Variants in MPP2 observed in about 807,000 individuals in gnomAD.
MPP2 encodes MAGUK p55 scaffold protein 2, also known as MAGUK p55 subfamily member 2.
MPP2 carries 42 observed loss-of-function variants against 58.5 expected under a neutral mutation model. That is an observed-to-expected ratio of 0.72 (90% confidence interval 0.56 to 0.93). MPP2 has a LOEUF of 0.93. Ranked by LOEUF, MPP2 falls within the 40% of genes least tolerant of loss-of-function variation. The pLI, the probability that MPP2 is intolerant of heterozygous loss-of-function variation, is 0.00. For missense variants in MPP2, 632 were observed against 760.4 expected, an observed-to-expected ratio of 0.83 and a Z score of 1.99; for synonymous variants, 300 against 307.8, an observed-to-expected ratio of 0.97 and a Z score of 0.26.
At chr17:43,900,773 G>T in intron 2 of MPP2, 1 of 348,474 alleles carries the variant, frequency 2.9e-6, no homozygotes, top group Non-Finnish European at 4.0e-6. Context: ...GGTGGGAGAA[G>T]AGTGGTGGGA....
chr17:43,907,395 G>A, intron 1 of MPP2, 79 bp downstream of exon 1: 2 of 985,562 alleles, frequency 2.0e-6, no homozygotes, highest in Non-Finnish European at 2.4e-6. Flanking sequence ...AGTGAATAGG[G>A]TCCTAAGTGC....
intron 3 of MPP2, 153 bp from the exon 4 acceptor site, chr17:43,883,508 G>A (rs571024897): frequency 3.8e-5 from 28 of 731,524 alleles, no homozygotes; most frequent in Middle Eastern, 4.0e-4. Flanking sequence ...ATACCCACAC[G>A]TGCACATGCA....
chr17:43,897,644 C>T (rs896045057), intron 3 of MPP2, among the ~76,000 whole-genome samples: 4 of 152,114 alleles, frequency 2.6e-5, no homozygotes, highest in Non-Finnish European at 4.4e-5. Flanking sequence ...CCTTCCAATC[C>T]CCTGCACACT....
upstream of MPP2, chr17:43,907,671 G>A: frequency 3.0e-6 from 3 of 985,688 alleles, no homozygotes; most frequent in Non-Finnish European, 2.4e-6. Flanking sequence ...CCAGCAGCTG[G>A]TACGGGGGCA....
chr17:43,889,360 CTTT>C (rs397748293), intron 3 of MPP2, among the ~76,000 whole-genome samples: 9 of 135,146 alleles, frequency 6.7e-5, no homozygotes, highest in Admixed American at 7.5e-5. Flanking sequence ...AAATCACCAT[CTTT>C]TTTTTTTTTT....
chr17:43,899,152 C>G (rs148604884), intron 2 of MPP2, among the ~76,000 whole-genome samples: 5 of 152,036 alleles, frequency 3.3e-5, no homozygotes, highest in Non-Finnish European at 1.5e-5. Context: ...GAGGCTGAGG[C>G]AGGAAAATCG....
At chr17:43,887,717 G>A (rs564117552) in intron 3 of MPP2, among the ~76,000 whole-genome samples, 3 of 152,162 alleles carry the variant, frequency 2.0e-5, no homozygotes, top group African/African-American at 7.2e-5. Flanking sequence ...CAAGGCAGGA[G>A]GATCACTTGA....
At chr17:43,903,496 C>G (rs969742580) in intron 2 of MPP2, among the ~76,000 whole-genome samples, 29 of 151,696 alleles carry the variant, frequency 1.9e-4, no homozygotes, top group African/African-American at 7.0e-4. Context: ...GAGTTTGAGA[C>G]CAGCATGGGC....
At position 43,877,861 on chromosome 17, in the gene MPP2, G is replaced by A. The variant is rs1806342913; in HGVS notation, c.1605C>T (p.Ala535=). The A allele has an allele frequency of 1.9e-6, 3 of 1,614,056 alleles. No individual in the cohort carries two copies. In the African/African-American group the frequency reaches 4.0e-5, roughly 22 times the overall value. Residue 535 remains alanine (A), a synonymous_variant, in exon 13 of 13, where the codon GCC becomes GCT. Transcript: ENST00000269095. ...GGGGCTCTGTCCGTAGCTTCTCCAT[G>A]GCTGTCTGGAGCTCGCGGAAGGTCC... ...LERTFRELQT[A]MEKLRTEPQW... is the part of the protein sequence containing the mutation.
chr17:43,893,092 C>T (rs1027105935), intron 3 of MPP2, among the ~76,000 whole-genome samples: 3 of 152,054 alleles, frequency 2.0e-5, no homozygotes, highest in Non-Finnish European at 2.9e-5. Context: ...AGAGAGCTGT[C>T]GAGTGGACTG....
At position 43,880,650 on chromosome 17, in the gene MPP2, G is replaced by GCT; in HGVS notation, c.1150+39_1150+40dup. On this transcript the variant is annotated intron_variant, in intron 10 of 12. Coordinates refer to ENST00000269095, the MANE Select transcript of MPP2 (RefSeq NM_005374.5). The surrounding 1 kb of genome is among the most constrained non-coding windows in gnomAD (Gnocchi z 5.2). ...CCAGCCCTGGCCCCAGGGGAGCCCT[G>GCT]CTCCTTGTCCCCAACTCAGCAGGGC... is the stretch of plus-strand genomic sequence containing the variant. The GCT allele has an allele frequency of 6.4e-7, 1 of 1,561,736 alleles. No homozygotes were observed. Among genetic ancestry groups the GCT allele is most frequent in the East Asian group, 2.3e-5 (1 of 44,108 alleles).
At chr17:43,888,468 C>T (rs2047461640) in intron 3 of MPP2, among the ~76,000 whole-genome samples, 1 of 152,196 alleles carries the variant, frequency 6.6e-6, no homozygotes, top group Admixed American at 6.5e-5. Context: ...GCTCTGTTAC[C>T]CTGTGCCTAG....
intron 1 of MPP2, among the ~76,000 whole-genome samples, chr17:43,905,002 C>A (rs2048234371): frequency 6.6e-6 from 1 of 151,770 alleles, no homozygotes; most frequent in African/African-American, 2.4e-5. Flanking sequence ...ATGGCGAGAC[C>A]CCCATCTCTA....
At chr17:43,900,027 C>A (rs1347962272) in intron 2 of MPP2, among the ~76,000 whole-genome samples, 3 of 152,214 alleles carry the variant, frequency 2.0e-5, no homozygotes, top group Admixed American at 2.0e-4. Flanking sequence ...CAGTGCCCCC[C>A]TCCTCCAGGA....
At chr17:43,902,371 C>T (rs1469025942) in intron 2 of MPP2, among the ~76,000 whole-genome samples, 1 of 152,172 alleles carries the variant, frequency 6.6e-6, no homozygotes, top group Non-Finnish European at 1.5e-5. Flanking sequence ...CAGTCAGGCA[C>T]TATTGGTGGG....
intron 3 of MPP2, 160 bp from the exon 4 acceptor site, chr17:43,883,515 T>C: frequency 1.5e-6 from 1 of 671,022 alleles, no homozygotes; most frequent in South Asian, 2.1e-5. Context: ...CACGTGCACA[T>C]GCATTCCTTG....
intron 2 of MPP2, chr17:43,900,744 C>A (rs2048062026): frequency 1.9e-6 from 2 of 1,041,972 alleles, no homozygotes; most frequent in East Asian, 2.7e-5. Context: ...CTGCGCGGTG[C>A]AGAGCAGGCG....
rs922072101 is a variant in MPP2, at chr17:43,875,688, G to A, written c.*2119C>T. 1.3e-5 allele frequency: 2 copies of A among 152,406 alleles called. No individual in the cohort carries two copies. The highest frequency in any genetic ancestry group is 2.4e-5 in the African/African-American group (1 of 41,428). 9.4% of individuals were successfully genotyped at this position (152,406 alleles called of 1,614,324 possible). A position where few individuals can be genotyped will look rare whatever the true frequency, so the allele number is the denominator to read the frequency against. ...GTGAGGGCTCAGGCAGGGGAGGTAG[G>A]AGGCTGCTCAGAGAGGAAAGACCGA... On this transcript the variant is annotated 3_prime_UTR_variant, in exon 13 of 13. Transcript: ENST00000269095.
Position 43,880,004 on chromosome 17 carries a change from T to C in MPP2, c.1151-20A>G, listed in dbSNP as rs1394318358. 1.2e-6 allele frequency: 2 copies of C among 1,613,088 alleles called. No homozygotes were observed. Among genetic ancestry groups the C allele is most frequent in the African/African-American group, 2.7e-5 (2 of 74,890 alleles). Reference sequence around the variant, plus strand: ...AGGTGTCTAGGGGGATGGGGGTAGGTTGGACCAAATGGGCAGGGGCAGGTT... The same window carrying C: ...AGGTGTCTAGGGGGATGGGGGTAGGCTGGACCAAATGGGCAGGGGCAGGTT... On this transcript the variant is annotated intron_variant, in intron 10 of 12. Transcript: ENST00000269095. This position sits in a 1 kb window ranked among gnomAD's most constrained non-coding sequence, Gnocchi z 5.2.
Sources: allele counts gnomAD v4.1 joint callset (sites outside exome capture counted in the v4.1 genomes callset), GRCh38; gene constraint gnomAD v4.1.1; non-coding constraint Gnocchi (gnomAD v3.1); transcripts MANE v1.5; gene names NCBI Gene and HGNC (gene_info 2026-07-23, HGNC 2026-07-21).